Variants in AP4M1 observed in about 807,000 individuals in gnomAD.
AP4M1 encodes adaptor related protein complex 4 subunit mu 1, also known as AP-4 complex subunit mu-1.
Under a neutral mutation model 62.4 loss-of-function variants are expected in AP4M1, and 58 were observed. The ratio of observed to expected loss-of-function variants is 0.93; its 90% confidence interval spans 0.75 to 1.16. The LOEUF (loss-of-function observed/expected upper bound fraction) is 1.16, where lower values mean the gene tolerates loss of function less well. Among genes scored for constraint, AP4M1 ranks in the 50% most tolerant of loss-of-function variants. The probability of loss-of-function intolerance (pLI) is 0.00; values close to 1 mark genes in which losing one functional copy is unlikely to be tolerated. For missense variants in AP4M1, 626 were observed against 585.4 expected (o/e 1.07, Z -0.72); for synonymous variants, 290 against 239.7 (o/e 1.21, Z -1.94).
At position 100,108,774 on chromosome 7, in the gene AP4M1, G is replaced by T. The variant is rs1345503152; in HGVS notation, c.*1892G>T. ...GCACGGGGCCAGGTGCAGCATCTTA[G>T]GCCTGTATCCCAGCACTTGGGAGGC... On this transcript the variant is annotated 3_prime_UTR_variant, in exon 15 of 15. Transcript: ENST00000359593. 3 of 414,000 alleles carry T rather than the reference G, an allele frequency of 7.2e-6. No individual in the cohort carries two copies. The Admixed American group carries it at 1.2e-4, about 17-fold the overall frequency. 25.6% of individuals were successfully genotyped at this position (414,000 alleles called of 1,614,324 possible). A position where few individuals can be genotyped will look rare whatever the true frequency, so the allele number is the denominator to read the frequency against.
upstream of AP4M1, chr7:100,100,920 G>A (rs1193966646): frequency 2.8e-6 from 3 of 1,055,556 alleles, no homozygotes; most frequent in African/African-American, 1.7e-5. Context: ...AAGCGCGAAG[G>A]AAAGCGGGCA....
At position 100,108,455 on chromosome 7, in the gene AP4M1, G is replaced by A. The variant is rs763926210; in HGVS notation, c.*1573G>A. ...CTTGACCACCTGGGAGCAGAGGAGG[G>A]GCCCAAGGGACCCGAATTCTGCCCG... On this transcript the variant is annotated 3_prime_UTR_variant, in exon 15 of 15. Coordinates refer to ENST00000359593, the MANE Select transcript of AP4M1 (RefSeq NM_004722.4). The A allele has an allele frequency of 2.5e-6, 4 of 1,613,928 alleles. No individual in the cohort carries two copies. Among genetic ancestry groups the A allele is most frequent in the Non-Finnish European group, 3.4e-6 (4 of 1,179,958 alleles).
At chr7:100,101,190 C>G (rs1220835536), upstream of AP4M1, 4 of 1,587,076 alleles carry the variant, frequency 2.5e-6, no homozygotes, top group Non-Finnish European at 1.7e-6. Context: ...CCCCCAAGAC[C>G]CCAGCTCACA....
At chr7:100,104,623 G>A (rs1309981023) in intron 7 of AP4M1, among the ~76,000 whole-genome samples, 15 of 152,192 alleles carry the variant, frequency 9.9e-5, no homozygotes. Context: ...TTAAGGTCAG[G>A]AGTTTGAGAC....
In AP4M1 at chr7:100,107,340, T is replaced by G. The variant is rs147915267; in HGVS notation, c.*458T>G. ...AGGGGGACTGTCCCCAGCCTCCTGCTTCCCCCCACAAAGGGCACTGCCGCT... is the reference window on the plus strand; with the variant it reads ...AGGGGGACTGTCCCCAGCCTCCTGCGTCCCCCCACAAAGGGCACTGCCGCT... On this transcript the variant is annotated 3_prime_UTR_variant, in exon 15 of 15. Coordinates refer to ENST00000359593, the MANE Select transcript of AP4M1 (RefSeq NM_004722.4). 8 of 1,548,040 alleles carry G rather than the reference T, an allele frequency of 5.2e-6. No homozygotes were observed. The highest frequency in any genetic ancestry group is 2.3e-5 in the East Asian group (1 of 44,190).
chr7:100,105,312 A>G lies in AP4M1; in HGVS notation c.800A>G (p.His267Arg), dbSNP rs1434575587. ...SSVNLDEFES[H>R]RILRLQPPQG... The stretch of plus-strand genomic sequence containing the variant: ...GTGAATCTGGACGAATTTGAGTCTC[A>G]TCGAATCCTCCGCTTGCAACCACCT... Residue 267 changes from histidine to arginine, a missense_variant, in exon 10 of 15, where the codon CAT (histidine) becomes CGT (arginine). Transcript: ENST00000359593. The G allele has an allele frequency of 1.2e-6, 2 of 1,613,816 alleles. No homozygotes were observed. The highest frequency in any genetic ancestry group is 2.2e-5 in the East Asian group (1 of 44,886).
At position 100,107,858 on chromosome 7, in the gene AP4M1, G is replaced by T; in HGVS notation, c.*976G>T. 6.5e-7 allele frequency: 1 copy of T among 1,531,832 alleles called. No individual in the cohort carries two copies. Among genetic ancestry groups the T allele is most frequent in the South Asian group, 1.3e-5 (1 of 79,022 alleles). The allele number at this position is 1,531,832 out of a possible 1,614,324, so 94.9% of individuals were successfully genotyped here. On this transcript the variant is annotated 3_prime_UTR_variant, in exon 15 of 15. Transcript: ENST00000359593. ...CAGAGGGGACTGTGCTCTACTCCTG[G>T]GCCTCCCCAGGGTGCTCTGAGGTAA...
In AP4M1 at chr7:100,104,092, A is replaced by C; in HGVS notation, c.544A>C (p.Ser182Arg). 4.3e-6 allele frequency: 7 copies of C among 1,613,892 alleles called. No individual in the cohort carries two copies. Among genetic ancestry groups the C allele is most frequent in the Non-Finnish European group, 5.9e-6 (7 of 1,179,904 alleles). ...RPVLSSRSDQSQKNEVFLDVV... is the reference protein window; with the variant it reads ...RPVLSSRSDQRQKNEVFLDVV... ...CACCCAAATTCTCTCTCTTTCTCAG[A>C]GCCAAAAGAATGAAGTTTTTTTGGA... The change falls in exon 7 of 15, where the codon AGC (serine) becomes CGC (arginine). Residue 182 changes from serine (S) to arginine (R), a missense_variant and splice_region_variant. Transcript: ENST00000359593.
intron 13 of AP4M1, 37 bp downstream of exon 13, chr7:100,106,328 G>T: frequency 1.2e-6 from 2 of 1,613,606 alleles, no homozygotes; most frequent in Non-Finnish European, 1.7e-6. Flanking sequence ...GATTCCTGGG[G>T]AGAGAGTGAG....
Position 100,104,874 on chromosome 7 carries a change from G to A in AP4M1, c.607G>A (p.Gly203Arg). The part of the protein sequence containing the change: ...ERLSVLIASN[G>R]SLLKVDVQGE... The stretch of plus-strand genomic sequence containing the variant: ...TAACCTTGACGCCCCTGCCTCTCAG[G>A]GATCCCTGCTGAAGGTGGATGTGCA... The change falls in exon 8 of 15, where the codon GGA (glycine) becomes AGA (arginine). Residue 203 changes from glycine to arginine, a missense_variant and splice_region_variant. Transcript: ENST00000359593. The A allele has an allele frequency of 6.2e-7, 1 of 1,614,150 alleles. No individual in the cohort carries two copies. The highest frequency in any genetic ancestry group is 8.5e-7 in the Non-Finnish European group (1 of 1,180,030).
intron 14 of AP4M1, 48 bp downstream of exon 14, chr7:100,106,562 G>T: frequency 6.6e-7 from 1 of 1,514,862 alleles, no homozygotes; most frequent in East Asian, 2.3e-5. Flanking sequence ...TTCACTTGCA[G>T]CCCCCACCCC....
chr7:100,103,463 A>G lies in AP4M1; in HGVS notation c.406A>G (p.Thr136Ala). The change falls in exon 5 of 15, where the codon ACG becomes GCG. Residue 136 changes from threonine (T) to alanine (A), a missense_variant. By Grantham distance (58) the Thr-to-Ala change is moderately conservative (BLOSUM62 0). Coordinates refer to ENST00000359593, the MANE Select transcript of AP4M1 (RefSeq NM_004722.4). ...STEMLRNFIQ[T>A]EAVVSKPFSL... ...GGAGATGCTGAGGAATTTCATCCAG[A>G]CGGAAGCTGTGGTCAGCAAGCCCTT... 2 of 1,614,144 alleles carry G rather than the reference A, an allele frequency of 1.2e-6. No homozygotes were observed. The highest frequency in any genetic ancestry group is 1.7e-6 in the Non-Finnish European group (2 of 1,180,032).
rs759333845 is a variant in AP4M1 at position 100,107,213 on chromosome 7, T to A, written c.*331T>A. On this transcript the variant is annotated 3_prime_UTR_variant, in exon 15 of 15. Transcript: ENST00000359593. Reference sequence around the variant, plus strand: ...ACGTGCACGTGTGTACATGTCTGCATGTGTGGGAATCCGGGGGCTGGCAGG... The same window carrying A: ...ACGTGCACGTGTGTACATGTCTGCAAGTGTGGGAATCCGGGGGCTGGCAGG... 1 of 1,518,584 alleles carries A rather than the reference T, an allele frequency of 6.6e-7. No individual in the cohort carries two copies. The highest frequency in any genetic ancestry group is 1.3e-5 in the South Asian group (1 of 75,346). 94.1% of individuals were successfully genotyped at this position (1,518,584 alleles called of 1,614,324 possible). A position where few individuals can be genotyped will look rare whatever the true frequency, so the allele number is the denominator to read the frequency against.
Position 100,105,356 on chromosome 7 carries a change from G to C in AP4M1, c.834+10G>C. On this transcript the variant is annotated intron_variant, in intron 10 of 14. Transcript: ENST00000359593. ...ACCACCTCAGGGCGAGGTCAGGGTT[G>C]GGGTGGCCTCATAAATTCCGTCCAC... The C allele has an allele frequency of 1.2e-6, 2 of 1,613,968 alleles. No homozygotes were observed. Among genetic ancestry groups the C allele is most frequent in the Non-Finnish European group, 1.7e-6 (2 of 1,179,868 alleles).
chr7:100,102,068 G>T, intron 2 of AP4M1, 100 bp downstream of exon 2: 3 of 1,348,090 alleles, frequency 2.2e-6, no homozygotes, highest in East Asian at 2.4e-5. Flanking sequence ...TCCACTTGGG[G>T]GGTGCATTCC....
chr7:100,101,557 G>T (rs777456523), upstream of AP4M1: 74 of 839,038 alleles, frequency 8.8e-5, no homozygotes, highest in African/African-American at 1.0e-3. Context: ...ATCTCCGGGC[G>T]GGGTAGTGCA....
At chr7:100,101,167 C>T, upstream of AP4M1, 1 of 1,516,776 alleles carries the variant, frequency 6.6e-7, no homozygotes, top group Non-Finnish European at 9.1e-7. Context: ...CCCCAGAACC[C>T]GCCGACCCCG....
chr7:100,106,354 C>T, intron 13 of AP4M1, 49 bp from the exon 14 acceptor site: 1 of 1,612,560 alleles, frequency 6.2e-7, no homozygotes, highest in Non-Finnish European at 8.5e-7. Context: ...CATGACGGGT[C>T]TGCCTCAAGA....
At chr7:100,101,011 C>T, upstream of AP4M1, 1 of 777,212 alleles carries the variant, frequency 1.3e-6, no homozygotes, top group Non-Finnish European at 2.0e-6. Flanking sequence ...GGTTAGCGCG[C>T]CCCCAAGCCC....
Sources: gnomAD v4.1 joint callset for allele counts (sites outside exome capture counted in the v4.1 genomes callset) on GRCh38, gnomAD v4.1.1 for gene constraint, MANE v1.5 for transcripts, NCBI Gene and HGNC (gene_info 2026-07-23, HGNC 2026-07-21) for gene names.